GRIK2: variants seen among roughly 807,000 people sequenced by gnomAD.
GRIK2 encodes the protein glutamate receptor ionotropic, kainate 2.
A neutral mutation model predicts 100.3 loss-of-function variants in GRIK2; 32 were observed. The ratio of observed to expected loss-of-function variants is 0.32; its 90% CI spans 0.24 to 0.43. The LOEUF is 0.43. GRIK2 is among the 20% of genes least tolerant of loss of function. The probability of loss-of-function intolerance (pLI) is 1.00; values close to 1 mark genes in which losing one functional copy is unlikely to be tolerated. For missense variants in GRIK2, 843 were observed against 1,114.9 expected, an observed-to-expected ratio of 0.76 and a Z score of 3.47; for synonymous variants, 417 against 389.4, an observed-to-expected ratio of 1.07 and a Z score of -0.83.
intron 2 of GRIK2, among the ~76,000 whole-genome samples, chr6:101,612,475 G>A (rs1450762679): frequency 6.6e-6 from 1 of 151,718 alleles, no homozygotes; most frequent in Non-Finnish European, 1.5e-5. Context: ...TGACTGTTAG[G>A]AACTTTCATT....
intron 14 of GRIK2, among the ~76,000 whole-genome samples, chr6:101,948,491 A>C (rs1238434663): frequency 6.8e-6 from 1 of 148,142 alleles, no homozygotes; most frequent in East Asian, 1.9e-4. Flanking sequence ...ATATATAGTT[A>C]TACATAATAT....
At chr6:102,058,037 A>G (rs1771549647) in intron 16 of GRIK2, among the ~76,000 whole-genome samples, 1 of 151,810 alleles carries the variant, frequency 6.6e-6, no homozygotes, top group Admixed American at 6.6e-5. Context: ...TCATCTTTAT[A>G]CTTAGTTTAT....
intron 2 of GRIK2, among the ~76,000 whole-genome samples, chr6:101,455,047 C>T (rs901550830): frequency 1.9e-4 from 29 of 151,988 alleles, no homozygotes; most frequent in Non-Finnish European, 2.9e-5. Flanking sequence ...ATAAAATCTT[C>T]TACATTTTAC....
chr6:101,411,155 T>A (rs535457078), intron 2 of GRIK2, among the ~76,000 whole-genome samples: 1 of 152,230 alleles, frequency 6.6e-6, no homozygotes, highest in South Asian at 2.1e-4. Flanking sequence ...TTAGGGGTGA[T>A]CTTCCAATGA....
At chr6:101,571,332 A>C (rs1045036271) in intron 2 of GRIK2, among the ~76,000 whole-genome samples, 6 of 152,114 alleles carry the variant, frequency 3.9e-5, no homozygotes, top group African/African-American at 1.4e-4. Flanking sequence ...AATAATAATA[A>C]AAATAATAAA....
intron 10 of GRIK2, among the ~76,000 whole-genome samples, chr6:101,829,538 C>A (rs1030582723): frequency 1.3e-5 from 2 of 151,902 alleles, no homozygotes; most frequent in Non-Finnish European, 2.9e-5. Context: ...TAAATGACTT[C>A]AGCAAAGTCT....
intron 2 of GRIK2, among the ~76,000 whole-genome samples, chr6:101,573,013 A>T (rs1031985105): frequency 1.3e-5 from 2 of 151,154 alleles, no homozygotes; most frequent in Non-Finnish European, 3.0e-5. Flanking sequence ...TTCCCGGCTT[A>T]TTTTTGTATT....
At chr6:101,849,820 T>C (rs902616054) in intron 10 of GRIK2, among the ~76,000 whole-genome samples, 1 of 99,848 alleles carries the variant, frequency 1.0e-5, no homozygotes, top group Non-Finnish European at 2.1e-5. Flanking sequence ...AGGGTTTTTT[T>C]TTTTTTTTTT....
intron 6 of GRIK2, among the ~76,000 whole-genome samples, chr6:101,684,589 G>T (rs1771537900): frequency 6.6e-6 from 1 of 152,030 alleles, no homozygotes; most frequent in African/African-American, 2.4e-5. Context: ...CACTTCATGA[G>T]GTTCAAGGCT....
At chr6:101,454,553 T>C (rs1418962301) in intron 2 of GRIK2, among the ~76,000 whole-genome samples, 5 of 152,146 alleles carry the variant, frequency 3.3e-5, no homozygotes, top group African/African-American at 1.2e-4. Context: ...GATTTCAACA[T>C]AGGAGATTAA....
intron 7 of GRIK2, among the ~76,000 whole-genome samples, chr6:101,757,153 A>G (rs1286376744): frequency 6.6e-6 from 1 of 152,138 alleles, no homozygotes; most frequent in Non-Finnish European, 1.5e-5. Context: ...TTGGATTATT[A>G]TGCTTTGTGG....
At chr6:102,019,075 T>G (rs1438431922) in intron 14 of GRIK2, among the ~76,000 whole-genome samples, 1 of 152,076 alleles carries the variant, frequency 6.6e-6, no homozygotes, top group Non-Finnish European at 1.5e-5. Flanking sequence ...TTAAATAGAT[T>G]TTTGTTAGTA....
At chr6:101,413,856 C>T (rs1775989918) in intron 2 of GRIK2, among the ~76,000 whole-genome samples, 1 of 117,522 alleles carries the variant, frequency 8.5e-6, no homozygotes, top group Non-Finnish European at 1.9e-5. Flanking sequence ...TTTATACAAG[C>T]AACCAGTCAT....
At chr6:101,675,623 G>A (rs1015322187) in intron 4 of GRIK2, among the ~76,000 whole-genome samples, 4 of 151,988 alleles carry the variant, frequency 2.6e-5, no homozygotes, top group Admixed American at 6.6e-5. Flanking sequence ...CTTGAAGACT[G>A]TATAAAGGAA....
At chr6:101,409,369 T>A (rs1436190719) in intron 2 of GRIK2, among the ~76,000 whole-genome samples, 1 of 152,090 alleles carries the variant, frequency 6.6e-6, no homozygotes, top group Non-Finnish European at 1.5e-5. Context: ...CTCTGTGATG[T>A]TCACACAATG....
intron 7 of GRIK2, among the ~76,000 whole-genome samples, chr6:101,779,568 T>C (rs1778955607): frequency 6.6e-6 from 1 of 152,190 alleles, no homozygotes; most frequent in African/African-American, 2.4e-5. Context: ...TAAAAATAGC[T>C]TCAATCTAGT....
At chr6:101,550,801 T>C (rs1391953561) in intron 2 of GRIK2, among the ~76,000 whole-genome samples, 2 of 152,314 alleles carry the variant, frequency 1.3e-5, no homozygotes, top group Admixed American at 1.3e-4. Context: ...TTTATAAGCA[T>C]TTATGATTCC....
At chr6:101,909,356 C>T (rs540986629) in intron 12 of GRIK2, among the ~76,000 whole-genome samples, 34 of 118,382 alleles carry the variant, frequency 2.9e-4, no homozygotes, top group African/African-American at 1.1e-3. Flanking sequence ...TTTTTGGATG[C>T]TGAAGGAAGA....
chr6:101,703,235 C>T (rs1773020110), intron 7 of GRIK2, among the ~76,000 whole-genome samples: 1 of 151,522 alleles, frequency 6.6e-6, no homozygotes, highest in South Asian at 2.1e-4. Flanking sequence ...TAAGATTATC[C>T]AAGGGTATAG....
Sources: allele counts gnomAD v4.1 joint callset (sites outside exome capture counted in the v4.1 genomes callset), GRCh38; gene constraint gnomAD v4.1.1; transcripts MANE v1.5; gene names NCBI Gene and HGNC (gene_info 2026-07-23, HGNC 2026-07-21).